Variants in THEMIS2 observed in about 807,000 individuals in gnomAD.
THEMIS2 encodes the protein thymocyte selection associated family member 2.
THEMIS2 carries 29 observed loss-of-function variants against 46.8 expected under a neutral mutation model. That is an observed-to-expected ratio of 0.62 (90% confidence interval 0.46 to 0.84). The LOEUF is 0.84. Among genes scored for constraint, THEMIS2 ranks in the 40% least tolerant of loss-of-function variants. The pLI is 0.00. For missense variants in THEMIS2, 698 were observed against 834.7 expected, an observed-to-expected ratio of 0.84 and a Z score of 2.02; for synonymous variants, 335 against 349.1, an observed-to-expected ratio of 0.96 and a Z score of 0.45.
At chr1:27,883,318 A>C (rs556177715) in intron 4 of THEMIS2, 13 of 446,238 alleles carry the variant, frequency 2.9e-5, no homozygotes, top group African/African-American at 2.3e-4. Flanking sequence ...GGCCATGGAC[A>C]GTCTAACTCC....
chr1:27,885,424 C>A lies in THEMIS2; in HGVS notation c.1849C>A (p.Pro617Thr). The A allele has an allele frequency of 6.2e-7, 1 of 1,614,050 alleles. No homozygotes were observed. The highest frequency in any genetic ancestry group is 8.5e-7 in the Non-Finnish European group (1 of 1,179,990). ...TCCTGCCCACAGGAAGGGCCACAGG[C>A]CCGCTAAGCCCCAAAGGCAGGATCT... ...KIPAHRKGHR[P>T]AKPQRQDLDD... Residue 617 changes from proline (P) to threonine (T), a missense_variant, in exon 5 of 6, where the codon CCC (proline) becomes ACC (threonine). Physicochemically the swap from Pro to Thr is conservative, Grantham distance 38. Coordinates refer to ENST00000373921, the MANE Select transcript of THEMIS2 (RefSeq NM_001105556.3).
intron 3 of THEMIS2, among the ~76,000 whole-genome samples, chr1:27,880,577 T>C (rs1011246724): frequency 9.9e-5 from 15 of 152,212 alleles, no homozygotes; most frequent in African/African-American, 3.6e-4. Flanking sequence ...TCGCTTGATC[T>C]CAGGTGTTCC....
chr1:27,878,589 C>T (rs2089627713), intron 2 of THEMIS2, among the ~76,000 whole-genome samples: 1 of 88,196 alleles, frequency 1.1e-5, no homozygotes, highest in African/African-American at 4.3e-5. Context: ...GAATGTATTA[C>T]TATATGTGTA....
At chr1:27,874,033 G>GTT (rs1256524975) in intron 1 of THEMIS2, among the ~76,000 whole-genome samples, 4 of 97,164 alleles carry the variant, frequency 4.1e-5, no homozygotes, top group East Asian at 4.0e-4. Flanking sequence ...TTCAACCTAG[G>GTT]TTTTTTTTTT....
intron 2 of THEMIS2, among the ~76,000 whole-genome samples, chr1:27,877,613 C>T (rs540988121): frequency 4.7e-4 from 72 of 152,248 alleles, no homozygotes; most frequent in African/African-American, 1.5e-3. Context: ...AGGCATGAGC[C>T]ACCATGCCCG....
At position 27,880,136 on chromosome 1, in the gene THEMIS2, C is replaced by A. The variant is rs566829830; in HGVS notation, c.646+82C>A. 5.0e-5 allele frequency: 71 copies of A among 1,418,348 alleles called. No individual in the cohort carries two copies. In the African/African-American group the frequency reaches 8.8e-4, roughly 17 times the overall value. The allele number at this position is 1,418,348 out of a possible 1,614,324, so 87.9% of individuals were successfully genotyped here. A position where few individuals can be genotyped will look rare whatever the true frequency, so the allele number is the denominator to read the frequency against. ...CTGGGAGCTGCTCTGATGGAAGACACCCCCACCCCATCCCTGAGGATCAGC... is the reference window on the plus strand; with the variant it reads ...CTGGGAGCTGCTCTGATGGAAGACAACCCCACCCCATCCCTGAGGATCAGC... On this transcript the variant is annotated intron_variant, in intron 3 of 5. Transcript: ENST00000373921.
In THEMIS2 at chr1:27,876,666, A is replaced by G; in HGVS notation, c.173A>G (p.Gln58Arg). Residue 58 changes from glutamine to arginine, a missense_variant, in exon 2 of 6, where the codon CAG becomes CGG. Coordinates refer to ENST00000373921, the MANE Select transcript of THEMIS2 (RefSeq NM_001105556.3). ...ATCAAGGTCACCCAGGTCCGCCTCC[A>G]GAAGGTGGTCTGTGAGAACCCGAAG... Reference protein sequence around the residue: ...DLIKVTQVRLQKVVCENPKTS... With the variant: ...DLIKVTQVRLRKVVCENPKTS... 1.2e-6 allele frequency: 2 copies of G among 1,614,082 alleles called. No individual in the cohort carries two copies. Among genetic ancestry groups the G allele is most frequent in the Non-Finnish European group, 1.7e-6 (2 of 1,179,996 alleles).
Position 27,882,907 on chromosome 1 carries a change from TG to T in THEMIS2, c.1585del (p.Glu529ArgfsTer3). The T allele has an allele frequency of 6.2e-7, 1 of 1,613,824 alleles. No individual in the cohort carries two copies. Among genetic ancestry groups the T allele is most frequent in the South Asian group, 1.1e-5 (1 of 91,062 alleles). ...LPEGSLPIAT[V>X]EELTDTFYYR... ...GAGGGGTCTCTCCCCATAGCCACAGTGGAGGAGCTGACAGACACCTTCTATT... is the reference window on the plus strand; with the variant it reads ...GAGGGGTCTCTCCCCATAGCCACAGTGAGGAGCTGACAGACACCTTCTATT... On this transcript the variant is annotated frameshift_variant, in exon 4 of 6. Transcript: ENST00000373921. LOFTEE classifies it high-confidence loss of function. This position sits in a 1 kb window ranked among gnomAD's most constrained non-coding sequence, Gnocchi z 7.6.
At chr1:27,878,717 C>CA (rs1557448785) in intron 2 of THEMIS2, among the ~76,000 whole-genome samples, 1 of 152,030 alleles carries the variant, frequency 6.6e-6, no homozygotes, top group Admixed American at 6.6e-5. Context: ...CATTCATTCA[C>CA]ATGGTTCAAT....
At position 27,879,978 on chromosome 1, in the gene THEMIS2, C is replaced by G. The variant is rs776819505; in HGVS notation, c.570C>G (p.Leu190=). Residue 190 remains leucine, a synonymous_variant, in exon 3 of 6, where the codon CTC becomes CTG. Coordinates refer to ENST00000373921, the MANE Select transcript of THEMIS2 (RefSeq NM_001105556.3). ...QVLQDPALKD[L]VLTCPTLPWH... The stretch of plus-strand genomic sequence containing the variant: ...TACAGGATCCAGCCCTGAAAGACCT[C>G]GTCCTCACCTGCCCCACCCTGCCCT... The G allele has an allele frequency of 1.9e-6, 3 of 1,612,544 alleles. No homozygotes were observed. The highest frequency in any genetic ancestry group is 1.7e-6 in the Non-Finnish European group (2 of 1,179,332).
At chr1:27,881,938 C>T (rs1260288982) in intron 3 of THEMIS2, 33 bp from the exon 4 acceptor site, 1 of 1,552,992 alleles carries the variant, frequency 6.4e-7, no homozygotes, top group Admixed American at 1.8e-5. Context: ...CCTGGGGTGG[C>T]ATGCAGTGCC....
rs367593070 is a variant in THEMIS2, at chr1:27,882,929, C to T, written c.1605C>T (p.Phe535=). 1.2e-5 allele frequency: 20 copies of T among 1,613,804 alleles called. No homozygotes were observed. Among genetic ancestry groups the T allele is most frequent in the Non-Finnish European group, 1.7e-5 (20 of 1,179,994 alleles). The change falls in exon 4 of 6, where the codon TTC becomes TTT. Residue 535 remains phenylalanine (F), a synonymous_variant. Transcript: ENST00000373921. This position sits in a 1 kb window ranked among gnomAD's most constrained non-coding sequence, Gnocchi z 7.6. The part of the protein sequence containing the change: ...IATVEELTDT[F]YYRLRKLPAC... ...CAGTGGAGGAGCTGACAGACACCTT[C>T]TATTATCGTCTTCGGAAGTTACCAG...
Position 27,882,419 on chromosome 1 carries a change from C to T in THEMIS2, c.1095C>T (p.Phe365=). 13 of 1,611,734 alleles carry T rather than the reference C, an allele frequency of 8.1e-6. 1 individual carries two copies. The highest frequency in any genetic ancestry group is 1.1e-5 in the Non-Finnish European group (13 of 1,178,372). ...CEGEREENPE[F]TSLAVGDRLE... Reference sequence around the variant, plus strand: ...GCGAGAGGGAGGAGAATCCCGAGTTCACGTCCCTGGCTGTGGGTGACCGGC... The same window carrying T: ...GCGAGAGGGAGGAGAATCCCGAGTTTACGTCCCTGGCTGTGGGTGACCGGC... The change falls in exon 4 of 6, where the codon TTC becomes TTT. Residue 365 remains phenylalanine (F), a synonymous_variant. Coordinates refer to ENST00000373921, the MANE Select transcript of THEMIS2 (RefSeq NM_001105556.3). The surrounding 1 kb of genome is among the most constrained non-coding windows in gnomAD (Gnocchi z 7.6).
At chr1:27,881,576 C>T (rs905740085) in intron 3 of THEMIS2, among the ~76,000 whole-genome samples, 1 of 151,896 alleles carries the variant, frequency 6.6e-6, no homozygotes, top group African/African-American at 2.4e-5. Context: ...GCCTGTAATC[C>T]CAGCACTTTG....
chr1:27,880,515 C>T (rs1008226871), intron 3 of THEMIS2, among the ~76,000 whole-genome samples: 2 of 152,090 alleles, frequency 1.3e-5, no homozygotes, highest in Non-Finnish European at 2.9e-5. Flanking sequence ...CAAATTATCT[C>T]GGCTACGCCA....
At chr1:27,883,073 G>A (rs1240816790) in intron 4 of THEMIS2, 30 bp downstream of exon 4, 1 of 1,570,128 alleles carries the variant, frequency 6.4e-7, no homozygotes, top group South Asian at 1.1e-5. Context: ...GGGCACGGAG[G>A]GGTCACCTAT....
intron 4 of THEMIS2, 31 bp downstream of exon 4, chr1:27,883,074 G>A: frequency 6.4e-7 from 1 of 1,566,756 alleles, no homozygotes. Context: ...GGCACGGAGG[G>A]GTCACCTATT....
rs199945403 is a variant in THEMIS2, at chr1:27,876,597, A to G, written c.104A>G (p.Tyr35Cys). Residue 35 changes from tyrosine to cysteine, a missense_variant, in exon 2 of 6, where the codon TAT becomes TGT. Tyr to Cys is a radical substitution (Grantham distance 194, BLOSUM62 -2). Transcript: ENST00000373921. ...CSGVYFEGSI[Y>C]EISGNECCLS... ...GTCCTTGTCTCCGCAGGCTCCATCT[A>G]TGAGATCTCTGGGAATGAGTGCTGC... 55 of 1,613,744 alleles carry G rather than the reference A, an allele frequency of 3.4e-5. No homozygotes were observed. In the Admixed American group the frequency reaches 8.0e-4, roughly 23 times the overall value.
chr1:27,879,836 C>T lies in THEMIS2; in HGVS notation c.428C>T (p.Ser143Phe), dbSNP rs2089648446. Residue 143 changes from serine (S) to phenylalanine (F), a missense_variant, in exon 3 of 6, where the codon TCT becomes TTT. Physicochemically the swap from Ser to Phe is radical, Grantham distance 155 (BLOSUM62 -2). Transcript: ENST00000373921. ...GTGGTGATGCACCTCGGGATCCGCT[C>T]TGCCCGCTGTGTCCTGGGCATGGAG... The part of the protein sequence containing the change: ...EAVVMHLGIR[S>F]ARCVLGMEGQ... 1 of 1,613,462 alleles carries T rather than the reference C, an allele frequency of 6.2e-7. No homozygotes were observed.
Sources: allele counts gnomAD v4.1 joint callset (sites outside exome capture counted in the v4.1 genomes callset), GRCh38; gene constraint gnomAD v4.1.1; non-coding constraint Gnocchi (gnomAD v3.1); transcripts MANE v1.5; gene names NCBI Gene and HGNC (gene_info 2026-07-23, HGNC 2026-07-21).